PDS5A: variants seen among roughly 807,000 people sequenced by gnomAD.
PDS5A encodes the protein PDS5 cohesin associated factor A.
In PDS5A, 42 loss-of-function variants were observed where a neutral mutation model predicts 167.1. The observed-to-expected ratio is 0.25, with a 90% CI of 0.20 to 0.33. PDS5A has a LOEUF of 0.33. Among genes scored for constraint, PDS5A ranks in the 10% least tolerant of loss-of-function variants. PDS5A has a pLI of 1.00. For synonymous variants in PDS5A, 553 were observed against 554.6 expected (o/e 1.00, Z 0.04); for missense variants, 1,033 against 1,605.9 (o/e 0.64, Z 6.10).
intron 11 of PDS5A, among the ~76,000 whole-genome samples, chr4:39,907,773 A>G (rs1723522575): frequency 6.6e-6 from 1 of 151,996 alleles, no homozygotes; most frequent in South Asian, 2.1e-4. Context: ...TTTTTAGTAG[A>G]GACGGGGTTT....
chr4:39,848,277 A>C (rs1717814883), intron 28 of PDS5A: 1 of 153,752 alleles, frequency 6.5e-6, no homozygotes, highest in African/African-American at 2.4e-5. Context: ...AAAGCTTTTA[A>C]AAATCCAAAT....
chr4:39,959,411 G>A (rs1729274105), intron 2 of PDS5A, among the ~76,000 whole-genome samples: 1 of 152,086 alleles, frequency 6.6e-6, no homozygotes, highest in Non-Finnish European at 1.5e-5. Flanking sequence ...GAGCACAGTG[G>A]CACGATCATG....
chr4:39,868,728 C>T, intron 22 of PDS5A: 3 of 453,988 alleles, frequency 6.6e-6, no homozygotes, highest in South Asian at 4.7e-5. Flanking sequence ...GCTCTGCCTC[C>T]CAAAGTGCTG....
intron 25 of PDS5A, among the ~76,000 whole-genome samples, 185 bp from the exon 26 acceptor site, chr4:39,862,518 A>G (rs1199625021): frequency 6.6e-6 from 1 of 152,118 alleles, no homozygotes; most frequent in East Asian, 1.9e-4. Context: ...ATGCAGTTGT[A>G]TTTCACTTTT....
intron 30 of PDS5A, among the ~76,000 whole-genome samples, chr4:39,842,938 T>TATATATATATATATATATATA (rs1349599395): frequency 1.9e-3 from 254 of 132,808 alleles, no homozygotes; most frequent in African/African-American, 2.5e-3. Context: ...TATATATATA[T>TATATATATATATATATATATA]TTTAAGAGAC....
chr4:39,973,808 T>G, intron 2 of PDS5A: 2 of 1,221,900 alleles, frequency 1.6e-6, no homozygotes, highest in South Asian at 2.4e-5. Context: ...GGTTACTTCA[T>G]GGCAGCTATT....
At chr4:39,865,636 A>G (rs1175784857) in intron 23 of PDS5A, among the ~76,000 whole-genome samples, 1 of 152,180 alleles carries the variant, frequency 6.6e-6, no homozygotes, top group Non-Finnish European at 1.5e-5. Flanking sequence ...AGTGATTTTC[A>G]TGCCTTAGCC....
Position 39,822,979 on chromosome 4 carries a change from A to T in PDS5A, c.*2506T>A, listed in dbSNP as rs184686258. ...GGTTCTGCTTCAAGTTTTTAAAAAA[A>T]ATTTAAAAATTCAGCCCATGTGCAG... On this transcript the variant is annotated 3_prime_UTR_variant, in exon 33 of 33. Coordinates refer to ENST00000303538, the MANE Select transcript of PDS5A (RefSeq NM_001100399.2). The T allele has an allele frequency of 2.0e-5, 3 of 152,660 alleles. No homozygotes were observed. 9.5% of individuals were successfully genotyped at this position (152,660 alleles called of 1,614,324 possible). A position where few individuals can be genotyped will look rare whatever the true frequency, so the allele number is the denominator to read the frequency against.
chr4:39,899,727 T>A (rs1258646177), intron 14 of PDS5A, among the ~76,000 whole-genome samples: 1 of 151,820 alleles, frequency 6.6e-6, no homozygotes, highest in African/African-American at 2.4e-5. Flanking sequence ...AGCACACCCG[T>A]AGTCCCAGCT....
chr4:39,962,888 G>A (rs1729624690), intron 2 of PDS5A, among the ~76,000 whole-genome samples: 1 of 152,060 alleles, frequency 6.6e-6, no homozygotes, highest in South Asian at 2.1e-4. Flanking sequence ...CTTGAACCTG[G>A]GAAGTGGAGG....
chr4:39,948,671 C>G (rs572503789), intron 2 of PDS5A, among the ~76,000 whole-genome samples: 77 of 148,986 alleles, frequency 5.2e-4, no homozygotes, highest in African/African-American at 1.9e-3. Flanking sequence ...GCTGCCCAGG[C>G]TGGAGTGCAG....
chr4:39,823,432 T>C lies in PDS5A; in HGVS notation c.*2053A>G, dbSNP rs749247204. The C allele has an allele frequency of 6.6e-6, 1 of 152,540 alleles. No homozygotes were observed. The highest frequency in any genetic ancestry group is 1.5e-5 in the Non-Finnish European group (1 of 68,046). The allele number at this position is 152,540 out of a possible 1,614,324, so 9.4% of individuals were successfully genotyped here. On this transcript the variant is annotated 3_prime_UTR_variant, in exon 33 of 33. Transcript: ENST00000303538. ...ATGCAGATGGTTCTGCTACATTTTA[T>C]TTAATATGATGTAACACTTGGTAAT...
At chr4:39,916,377 A>G (rs1724385710) in intron 8 of PDS5A, among the ~76,000 whole-genome samples, 1 of 152,174 alleles carries the variant, frequency 6.6e-6, no homozygotes, top group Non-Finnish European at 1.5e-5. Context: ...AATCTGTACC[A>G]TGAAAAGGTC....
At chr4:39,928,372 A>G (rs1435466109) in intron 2 of PDS5A, among the ~76,000 whole-genome samples, 2 of 152,128 alleles carry the variant, frequency 1.3e-5, no homozygotes, top group African/African-American at 4.8e-5. Context: ...ATAAACAAGT[A>G]TCACCTTCTC....
chr4:39,844,865 T>C, intron 29 of PDS5A, 64 bp from the exon 30 acceptor site: 3 of 1,471,776 alleles, frequency 2.0e-6, no homozygotes, highest in Non-Finnish European at 2.7e-6. Flanking sequence ...TGTATACATG[T>C]AAATTTAGAC....
At chr4:39,850,819 G>A (rs1718062384) in intron 26 of PDS5A, among the ~76,000 whole-genome samples, 1 of 152,206 alleles carries the variant, frequency 6.6e-6, no homozygotes. Context: ...CTGAACATTA[G>A]AATTGTTTGG....
intron 2 of PDS5A, among the ~76,000 whole-genome samples, chr4:39,955,739 G>A (rs2109796245): frequency 6.6e-6 from 1 of 152,146 alleles, no homozygotes; most frequent in East Asian, 1.9e-4. Flanking sequence ...GAGTCCAGGG[G>A]GTTTGTTGGG....
chr4:39,834,139 C>T (rs888903911), intron 32 of PDS5A, among the ~76,000 whole-genome samples: 3 of 150,690 alleles, frequency 2.0e-5, no homozygotes, highest in South Asian at 2.1e-4. Flanking sequence ...GAGGCAAGAC[C>T]GCATCATTGC....
chr4:39,869,750 G>A (rs1719859761), intron 21 of PDS5A, among the ~76,000 whole-genome samples: 1 of 152,106 alleles, frequency 6.6e-6, no homozygotes, highest in Non-Finnish European at 1.5e-5. Context: ...ATTCATTTTT[G>A]ACAAAGGATG....
Sources: allele counts gnomAD v4.1 joint callset (sites outside exome capture counted in the v4.1 genomes callset), GRCh38; gene constraint gnomAD v4.1.1; transcripts MANE v1.5; gene names NCBI Gene and HGNC (gene_info 2026-07-23, HGNC 2026-07-21).